Variants in DYSF observed in about 807,000 individuals in gnomAD.
The protein encoded by DYSF is dystrophy-associated fer-1-like 1.
DYSF carries 212 observed loss-of-function variants against 274.9 expected under a neutral mutation model. The ratio of observed to expected loss-of-function variants is 0.77; its 90% CI spans 0.69 to 0.86. The LOEUF is 0.86. Among genes scored for constraint, DYSF ranks in the 40% least tolerant of loss-of-function variants. The pLI is 0.00. For missense variants in DYSF, 2,666 were observed against 2,783.2 expected, an observed-to-expected ratio of 0.96 and a Z score of 0.95; for synonymous variants, 1,091 against 1,078.7, an observed-to-expected ratio of 1.01 and a Z score of -0.22.
At chr2:71,621,760 A>G (rs1406760412) in intron 41 of DYSF, among the ~76,000 whole-genome samples, 1 of 152,078 alleles carries the variant, frequency 6.6e-6, no homozygotes, top group Non-Finnish European at 1.5e-5. Flanking sequence ...GCTGGGCTCA[A>G]GCAATTCTCC....
intron 52 of DYSF, among the ~76,000 whole-genome samples, chr2:71,678,749 G>A (rs1387423096): frequency 6.6e-6 from 1 of 152,106 alleles, no homozygotes; most frequent in African/African-American, 2.4e-5. Context: ...GTTTATAGAC[G>A]GTGTATGAAT....
At chr2:71,453,920 A>G in exon 1 of DYSF, 1 of 1,434,588 alleles carries the variant, frequency 7.0e-7, no homozygotes, top group Non-Finnish European at 9.7e-7. Flanking sequence ...GAGGGGACCC[A>G]CAAGCGGCGC....
intron 48 of DYSF, 112 bp downstream of exon 48, chr2:71,667,627 C>A: frequency 1.4e-6 from 2 of 1,470,612 alleles, no homozygotes; most frequent in Non-Finnish European, 1.9e-6. Context: ...TTTGGTCAAT[C>A]CTTCCTTGAC....
At chr2:71,462,392 G>C (rs992757761), upstream of DYSF, among the ~76,000 whole-genome samples, 4 of 152,180 alleles carry the variant, frequency 2.6e-5, no homozygotes, top group African/African-American at 9.7e-5. Flanking sequence ...GAACTGCAGA[G>C]CCCCAAAGAG....
intron 1 of DYSF, among the ~76,000 whole-genome samples, chr2:71,480,453 C>T (rs981846469): frequency 8.5e-5 from 13 of 152,208 alleles, no homozygotes; most frequent in South Asian, 2.1e-4. Context: ...ACTCAAGAGC[C>T]TGAGGTGAGA....
At chr2:71,532,972 A>G (rs185327665) in intron 14 of DYSF, among the ~76,000 whole-genome samples, 7 of 152,090 alleles carry the variant, frequency 4.6e-5, no homozygotes, top group African/African-American at 1.2e-4. Flanking sequence ...TTTCTTTTAT[A>G]TTATTCTGGT....
chr2:71,577,526 C>T (rs976294246), intron 30 of DYSF, among the ~76,000 whole-genome samples: 2 of 123,160 alleles, frequency 1.6e-5, no homozygotes, highest in Admixed American at 1.6e-4. Flanking sequence ...CATGCAGCCC[C>T]CCCACTCTCA....
At chr2:71,613,550 C>G in intron 40 of DYSF, 140 bp downstream of exon 40, 1 of 806,068 alleles carries the variant, frequency 1.2e-6, no homozygotes, top group Non-Finnish European at 2.1e-6. Context: ...TGGACACTGT[C>G]CAGTAGAGAG....
intron 1 of DYSF, among the ~76,000 whole-genome samples, chr2:71,474,067 C>G (rs1221198859): frequency 6.6e-6 from 1 of 151,942 alleles, no homozygotes; most frequent in South Asian, 2.1e-4. Flanking sequence ...GCTGGGATTA[C>G]AGGCATGTGC....
At chr2:71,455,419 C>CT (rs756722910) in intron 1 of DYSF, among the ~76,000 whole-genome samples, 15 of 152,294 alleles carry the variant, frequency 9.8e-5, no homozygotes, top group Non-Finnish European at 1.8e-4. Flanking sequence ...TCCAGCTGTG[C>CT]TTTTTTTCCT....
chr2:71,504,634 T>A (rs1208870426), intron 4 of DYSF, among the ~76,000 whole-genome samples: 2 of 152,216 alleles, frequency 1.3e-5, no homozygotes, highest in African/African-American at 4.8e-5. Context: ...TCAAGGCAGC[T>A]GGCGAGAGAA....
At chr2:71,455,159 G>A (rs1006243843) in intron 1 of DYSF, among the ~76,000 whole-genome samples, 1 of 152,184 alleles carries the variant, frequency 6.6e-6, no homozygotes, top group African/African-American at 2.4e-5. Flanking sequence ...ATGATCCCAG[G>A]CACATGCACA....
chr2:71,518,772 C>A (rs185146373), intron 10 of DYSF, among the ~76,000 whole-genome samples: 36 of 151,868 alleles, frequency 2.4e-4, no homozygotes, highest in African/African-American at 8.5e-4. Flanking sequence ...TCAGAAGTTA[C>A]CTTAGAATTA....
At chr2:71,591,403 C>T (rs1558558901) in intron 32 of DYSF, among the ~76,000 whole-genome samples, 1 of 152,210 alleles carries the variant, frequency 6.6e-6, no homozygotes, top group Non-Finnish European at 1.5e-5. Flanking sequence ...CATGAGCTCC[C>T]CCAGGAAATG....
intron 4 of DYSF, among the ~76,000 whole-genome samples, chr2:71,510,666 T>G (rs1035917246): frequency 6.6e-6 from 1 of 152,206 alleles, no homozygotes; most frequent in Admixed American, 6.5e-5. Flanking sequence ...GGGACTGAGT[T>G]TGCTCTGTGA....
At chr2:71,587,376 C>G (rs1300140396) in intron 30 of DYSF, among the ~76,000 whole-genome samples, 1 of 152,342 alleles carries the variant, frequency 6.6e-6, no homozygotes, top group East Asian at 1.9e-4. Flanking sequence ...GGGAGAGGCT[C>G]TTGCTGGTTT....
At chr2:71,459,388 A>C (rs2081194471) in intron 1 of DYSF, among the ~76,000 whole-genome samples, 1 of 152,202 alleles carries the variant, frequency 6.6e-6, no homozygotes, top group African/African-American at 2.4e-5. Flanking sequence ...TAGGGCCACA[A>C]ATAAGTAGTG....
intron 2 of DYSF, 22 bp from the exon 3 acceptor site, chr2:71,481,857 G>A (rs1425280192): frequency 6.2e-7 from 1 of 1,605,082 alleles, no homozygotes; most frequent in Non-Finnish European, 8.5e-7. Flanking sequence ...AGGTTAAGAT[G>A]CCTTTTCTCT....
chr2:71,480,249 G>A (rs1049689143), intron 1 of DYSF, among the ~76,000 whole-genome samples: 1 of 152,162 alleles, frequency 6.6e-6, no homozygotes, highest in African/African-American at 2.4e-5. Context: ...GTTAGAATTA[G>A]AAGGCTGGAT....
Sources: allele counts gnomAD v4.1 joint callset (sites outside exome capture counted in the v4.1 genomes callset), GRCh38; gene constraint gnomAD v4.1.1; transcripts MANE v1.5; gene names NCBI Gene and HGNC (gene_info 2026-07-23, HGNC 2026-07-21).